The following CRCP variants were observed in gnomAD, a reference collection of about 807,000 sequenced individuals.
The protein encoded by CRCP is DNA-directed RNA polymerase III subunit RPC9.
CRCP carries 18 observed loss-of-function variants against 18.5 expected under a neutral mutation model. The ratio of observed to expected loss-of-function variants is 0.97; its 90% CI spans 0.67 to 1.44. CRCP has a LOEUF of 1.44. Among genes scored for constraint, CRCP ranks in the 40% most tolerant of loss-of-function variants. The pLI is 0.00. For synonymous variants in CRCP, 53 were observed against 62.9 expected (o/e 0.84, Z 0.75); for missense variants, 130 against 176.4 (o/e 0.74, Z 1.49).
chr7:66,149,405 G>T (rs1460896052), intron 5 of CRCP, among the ~76,000 whole-genome samples: 1 of 152,160 alleles, frequency 6.6e-6, no homozygotes, highest in African/African-American at 2.4e-5. Context: ...TATAGTCCCA[G>T]CTACTTGGAA....
At chr7:66,126,360 C>A (rs1787618366) in intron 1 of CRCP, among the ~76,000 whole-genome samples, 1 of 60,684 alleles carries the variant, frequency 1.6e-5, no homozygotes, top group Admixed American at 2.0e-4. Context: ...GTCTCTGTTG[C>A]ACATTACAAA....
intron 5 of CRCP, among the ~76,000 whole-genome samples, chr7:66,151,738 C>A (rs1435566169): frequency 8.4e-6 from 1 of 118,488 alleles, no homozygotes; most frequent in African/African-American, 3.1e-5. Context: ...TTAGCTTTTT[C>A]CTTTTTTTCT....
chr7:66,126,231 C>A (rs559039537), intron 1 of CRCP, among the ~76,000 whole-genome samples: 1 of 149,266 alleles, frequency 6.7e-6, no homozygotes, highest in East Asian at 2.0e-4. Context: ...TCTTTGTGAA[C>A]CACTGTTAGT....
At chr7:66,137,688 AG>A (rs1788010929) in intron 4 of CRCP, among the ~76,000 whole-genome samples, 1 of 152,220 alleles carries the variant, frequency 6.6e-6, no homozygotes, top group African/African-American at 2.4e-5. Flanking sequence ...AAAGATTTGT[AG>A]CCTTTTGGCT....
chr7:66,134,823 C>T (rs947816116), intron 4 of CRCP, among the ~76,000 whole-genome samples: 1 of 152,106 alleles, frequency 6.6e-6, no homozygotes, highest in Non-Finnish European at 1.5e-5. Flanking sequence ...GGAACCTGGG[C>T]TGTAGTCCAG....
At chr7:66,146,625 AG>A (rs1452622479) in intron 5 of CRCP, among the ~76,000 whole-genome samples, 2 of 152,214 alleles carry the variant, frequency 1.3e-5, no homozygotes, top group African/African-American at 4.8e-5. Flanking sequence ...AAAAGGCCAC[AG>A]GGTATTTAAT....
Position 66,152,376 on chromosome 7 carries a change from G to T in CRCP, c.*19G>T, listed in dbSNP as rs779924167. 5 of 1,612,668 alleles carry T rather than the reference G, an allele frequency of 3.1e-6. No individual in the cohort carries two copies. The South Asian group carries it at 4.4e-5, about 14-fold the overall frequency. ...AGCATAGAAGAGCACAGCTGGCCCCGGCGTTTCATGAAGTCAGAAGGCCTG... is the reference window on the plus strand; with the variant it reads ...AGCATAGAAGAGCACAGCTGGCCCCTGCGTTTCATGAAGTCAGAAGGCCTG... On this transcript the variant is annotated 3_prime_UTR_variant, in exon 6 of 6. Coordinates refer to ENST00000395326, the MANE Select transcript of CRCP (RefSeq NM_014478.5).
At chr7:66,138,152 GA>G (rs1283073322) in intron 4 of CRCP, among the ~76,000 whole-genome samples, 1 of 152,124 alleles carries the variant, frequency 6.6e-6, no homozygotes, top group African/African-American at 2.4e-5. Flanking sequence ...TTTCATTCCT[GA>G]AGGATAATTT....
chr7:66,134,488 A>G (rs1787912430), intron 4 of CRCP, 114 bp downstream of exon 4: 1 of 721,946 alleles, frequency 1.4e-6, no homozygotes, highest in Non-Finnish European at 2.4e-6. Flanking sequence ...GAAGGATTAT[A>G]GTATTGGAGA....
At chr7:66,137,715 T>C (rs1788011520) in intron 4 of CRCP, among the ~76,000 whole-genome samples, 1 of 152,226 alleles carries the variant, frequency 6.6e-6, no homozygotes, top group African/African-American at 2.4e-5. Context: ...TTTTTGTTTA[T>C]TTTTGTTTTT....
intron 1 of CRCP, among the ~76,000 whole-genome samples, chr7:66,122,353 C>T (rs917419354): frequency 3.1e-5 from 4 of 129,242 alleles, no homozygotes; most frequent in Non-Finnish European, 4.6e-5. Flanking sequence ...CCAGCCTGGG[C>T]GACAGAGCAA....
At chr7:66,119,351 G>A (rs945828003) in intron 1 of CRCP, among the ~76,000 whole-genome samples, 2 of 152,152 alleles carry the variant, frequency 1.3e-5, no homozygotes, top group Admixed American at 6.6e-5. Context: ...TGTATGCTTG[G>A]TAATATCCTT....
Position 66,130,824 on chromosome 7 carries a change from G to A in CRCP, c.126G>A (p.Leu42=). Residue 42 remains leucine (L), a synonymous_variant, in exon 3 of 6, where the codon TTG becomes TTA. Coordinates refer to ENST00000395326, the MANE Select transcript of CRCP (RefSeq NM_014478.5). ...KNKHSSGQQN[L]NTITYETLKY... The stretch of plus-strand genomic sequence containing the variant: ...AACACAGCTCTGGGCAACAGAACTT[G>A]AACACTATCACCTATGAAGTAAGGC... The A allele has an allele frequency of 6.3e-7, 1 of 1,579,678 alleles. No homozygotes were observed. Among genetic ancestry groups the A allele is most frequent in the South Asian group, 1.1e-5 (1 of 90,230 alleles).
chr7:66,128,700 T>A (rs1787692666), intron 2 of CRCP: 1 of 152,212 alleles, frequency 6.6e-6, no homozygotes, highest in Middle Eastern at 3.4e-3. Context: ...AATGTAGAAT[T>A]TTTTGGGCTT....
intron 4 of CRCP, among the ~76,000 whole-genome samples, chr7:66,135,743 G>A (rs1319208645): frequency 5.9e-5 from 9 of 152,092 alleles, no homozygotes; most frequent in Non-Finnish European, 1.0e-4. Flanking sequence ...CCAACATGGA[G>A]AAACCCCATC....
intron 4 of CRCP, among the ~76,000 whole-genome samples, chr7:66,140,342 C>T (rs1458844190): frequency 1.5e-5 from 2 of 133,692 alleles, no homozygotes; most frequent in African/African-American, 6.1e-5. Flanking sequence ...GTTTGCTTTT[C>T]AGAGTCGGGT....
chr7:66,121,043 A>C (rs1054718902), intron 1 of CRCP, among the ~76,000 whole-genome samples: 11 of 149,320 alleles, frequency 7.4e-5, no homozygotes, highest in African/African-American at 2.7e-4. Context: ...ACATAATAAT[A>C]ATAATAATAA....
intron 1 of CRCP, among the ~76,000 whole-genome samples, chr7:66,118,286 GAA>G (rs1369195155): frequency 1.6e-4 from 24 of 152,168 alleles, no homozygotes; most frequent in Admixed American, 1.4e-3. Context: ...ACCTGTTCTT[GAA>G]GGTTGTGTCC....
In CRCP at chr7:66,140,033, A is replaced by T. The variant is rs1454066023; in HGVS notation, c.240-5410A>T. 2.6e-5 allele frequency among the ~76,000 whole-genome samples: 4 copies of T among 152,234 alleles called. No individual in the cohort carries two copies. In the South Asian group the frequency reaches 6.2e-4, roughly 24 times the overall value. ...AGGGAAAGTAGAAAAGGGAAAAGGGAAAAATGACTCTTGGGCACTCTGGAC... is the reference window on the plus strand; with the variant it reads ...AGGGAAAGTAGAAAAGGGAAAAGGGTAAAATGACTCTTGGGCACTCTGGAC... On this transcript the variant is annotated intron_variant, in intron 4 of 5. Coordinates refer to ENST00000395326, the MANE Select transcript of CRCP (RefSeq NM_014478.5).
Sources: gnomAD v4.1 joint callset for allele counts (sites outside exome capture counted in the v4.1 genomes callset) on GRCh38, gnomAD v4.1.1 for gene constraint, MANE v1.5 for transcripts, NCBI Gene and HGNC (gene_info 2026-07-23, HGNC 2026-07-21) for gene names.